Variants in SEMA6A observed in about 807,000 individuals in gnomAD.
SEMA6A encodes the protein semaphorin-6A.
SEMA6A carries 25 observed loss-of-function variants against 96.8 expected under a neutral mutation model. That is an observed-to-expected ratio of 0.26 (90% CI 0.19 to 0.36). The LOEUF (loss-of-function observed/expected upper bound fraction) is 0.36. SEMA6A is among the 10% of genes least tolerant of loss of function. The pLI is 1.00. For synonymous variants in SEMA6A, 612 were observed against 518.0 expected (o/e 1.18, Z -2.46); for missense variants, 1,363 against 1,323.1 (o/e 1.03, Z -0.47).
chr5:116,560,133 C>A (rs79062498), intron 1 of SEMA6A, among the ~76,000 whole-genome samples: 1 of 152,178 alleles, frequency 6.6e-6, no homozygotes, highest in Non-Finnish European at 1.5e-5. Context: ...TCCTCCTCCC[C>A]CTTGCCTCCC....
chr5:116,454,060 G>T (rs1754827497), intron 18 of SEMA6A, among the ~76,000 whole-genome samples: 1 of 152,078 alleles, frequency 6.6e-6, no homozygotes, highest in Non-Finnish European at 1.5e-5. Context: ...TCACTGGACG[G>T]CCCGTTTCTG....
chr5:116,528,116 C>G (rs183177562), intron 1 of SEMA6A, among the ~76,000 whole-genome samples: 1 of 152,290 alleles, frequency 6.6e-6, no homozygotes, highest in African/African-American at 2.4e-5. Flanking sequence ...AACTAACCAA[C>G]AAATGTGCAG....
At chr5:116,561,779 G>C (rs1283276096) in intron 1 of SEMA6A, among the ~76,000 whole-genome samples, 4 of 152,150 alleles carry the variant, frequency 2.6e-5, no homozygotes, top group Admixed American at 2.6e-4. Context: ...AACAGGTTTT[G>C]TGTTTTTGAC....
chr5:116,467,545 C>G (rs779252330), intron 18 of SEMA6A, 38 bp downstream of exon 18: 3 of 1,574,288 alleles, frequency 1.9e-6, no homozygotes, highest in East Asian at 2.3e-5. Context: ...TTTTCCCTCC[C>G]TCTCCCCCGA....
chr5:116,468,447 T>G (rs1580394154), intron 17 of SEMA6A: 1 of 152,212 alleles, frequency 6.6e-6, no homozygotes, highest in South Asian at 2.1e-4. Flanking sequence ...TTGTGTATTA[T>G]TTCAATAGAT....
At chr5:116,567,389 C>T (rs1761060302) in intron 1 of SEMA6A, among the ~76,000 whole-genome samples, 1 of 152,066 alleles carries the variant, frequency 6.6e-6, no homozygotes, top group Non-Finnish European at 1.5e-5. Context: ...TACTATTTCC[C>T]CTGCCCCCCA....
chr5:116,519,163 C>A (rs1266267297), intron 1 of SEMA6A, among the ~76,000 whole-genome samples: 3 of 152,150 alleles, frequency 2.0e-5, no homozygotes, highest in Non-Finnish European at 2.9e-5. Context: ...TGTTGAGCTC[C>A]AGTCTTGCAA....
intron 12 of SEMA6A, among the ~76,000 whole-genome samples, 191 bp downstream of exon 12, chr5:116,479,931 A>G (rs1345183650): frequency 6.6e-6 from 1 of 152,062 alleles, no homozygotes; most frequent in Non-Finnish European, 1.5e-5. Flanking sequence ...AAATATTGGA[A>G]CTCTTCTCCC....
chr5:116,526,787 C>G (rs189293896), intron 1 of SEMA6A, among the ~76,000 whole-genome samples: 7 of 152,110 alleles, frequency 4.6e-5, no homozygotes, highest in Non-Finnish European at 8.8e-5. Context: ...TAACGCACAT[C>G]AGACTGACAC....
chr5:116,526,263 A>G (rs1458138187), intron 1 of SEMA6A, among the ~76,000 whole-genome samples: 1 of 151,906 alleles, frequency 6.6e-6, no homozygotes, highest in African/African-American at 2.4e-5. Context: ...TGCCTTGTGA[A>G]TTTCTACCCT....
chr5:116,501,365 G>A (rs976116492), intron 3 of SEMA6A, among the ~76,000 whole-genome samples: 11 of 152,234 alleles, frequency 7.2e-5, no homozygotes, highest in African/African-American at 2.6e-4. Context: ...CAGCCTGTCT[G>A]TCTAAATAAC....
chr5:116,536,451 A>C (rs1759714437), intron 1 of SEMA6A: 1 of 152,338 alleles, frequency 6.6e-6, no homozygotes, highest in East Asian at 1.9e-4. Flanking sequence ...TCCACACAGT[A>C]ACGCATTGCG....
chr5:116,536,203 C>A (rs1303763259), intron 1 of SEMA6A: 1 of 152,096 alleles, frequency 6.6e-6, no homozygotes. Context: ...CCCATTCCCA[C>A]CCCCTGTTGG....
At chr5:116,525,677 A>T (rs1759190612) in intron 1 of SEMA6A, among the ~76,000 whole-genome samples, 2 of 152,208 alleles carry the variant, frequency 1.3e-5, no homozygotes, top group Non-Finnish European at 2.9e-5. Context: ...GTGGAAACTT[A>T]AATTATTCCT....
chr5:116,447,365 G>C lies in SEMA6A; in HGVS notation c.2341C>G (p.Gln781Glu). The change falls in exon 19 of 19, where the codon CAG (glutamine) becomes GAG (glutamate). Residue 781 changes from glutamine to glutamate, a missense_variant. By Grantham distance (29) the Gln-to-Glu change is conservative. This residue lies in a region of SEMA6A where 883 missense variants were observed against 763.6 expected (regional missense o/e 1.16). Transcript: ENST00000343348. ...TTTGTGCAGGCATTGATGAGGTTCT[G>C]GTTCCTCTCCCACTCGCGGCTGCCG... ...SRGSREWERN[Q>E]NLINACTKDM... 6.2e-7 allele frequency: 1 copy of C among 1,613,998 alleles called. No homozygotes were observed. Among genetic ancestry groups the C allele is most frequent in the South Asian group, 1.1e-5 (1 of 91,088 alleles).
intron 1 of SEMA6A, among the ~76,000 whole-genome samples, chr5:116,522,929 C>T (rs1759026587): frequency 6.6e-6 from 1 of 152,146 alleles, no homozygotes; most frequent in Non-Finnish European, 1.5e-5. Flanking sequence ...CTTCGACCAT[C>T]TCAGAATGAC....
intron 18 of SEMA6A, chr5:116,449,827 C>G (rs1217451029): frequency 6.6e-6 from 1 of 152,316 alleles, no homozygotes; most frequent in African/African-American, 2.4e-5. Context: ...GGTAAGATAT[C>G]AAATAATTTT....
At position 116,496,306 on chromosome 5, in the gene SEMA6A, G is replaced by A; in HGVS notation, c.287C>T (p.Thr96Ile). The change falls in exon 5 of 19, where the codon ACA becomes ATA. Residue 96 changes from threonine to isoleucine, a missense_variant. Thr to Ile is a moderately conservative substitution (Grantham distance 89). Transcript: ENST00000343348. ...TACATCGGCCTGTCTAGATTTCCAT[G>A]TCAGTTTCTGCAGGGATCAAGAAAG... ...TEEIYCSKKL[T>I]WKSRQADVDT... is the part of the protein sequence containing the mutation. The A allele has an allele frequency of 6.2e-7, 1 of 1,613,468 alleles. No homozygotes were observed. Among genetic ancestry groups the A allele is most frequent in the Non-Finnish European group, 8.5e-7 (1 of 1,179,578 alleles).
rs1580431642 is a variant in SEMA6A, at chr5:116,447,219, G to A, written c.2487C>T (p.Tyr829=). The change falls in exon 19 of 19, where the codon TAC becomes TAT. Residue 829 remains tyrosine, a synonymous_variant. Transcript: ENST00000343348. ...PITQQGYQHE[Y]VDQPKMSEVA... is the part of the protein sequence containing the mutation. ...CCTCGCTCATTTTGGGCTGGTCCACGTACTCATGCTGGTAGCCCTGCTGCG... is the reference window on the plus strand; with the variant it reads ...CCTCGCTCATTTTGGGCTGGTCCACATACTCATGCTGGTAGCCCTGCTGCG... 6 of 1,614,038 alleles carry A rather than the reference G, an allele frequency of 3.7e-6. No homozygotes were observed. The highest frequency in any genetic ancestry group is 4.5e-5 in the East Asian group (2 of 44,870).
Sources: allele counts gnomAD v4.1 joint callset (sites outside exome capture counted in the v4.1 genomes callset), GRCh38; gene constraint gnomAD v4.1.1; regional missense constraint gnomAD v4.1.1; transcripts MANE v1.5; gene names NCBI Gene and HGNC (gene_info 2026-07-23, HGNC 2026-07-21).